MLXIP: variants seen among roughly 807,000 people sequenced by gnomAD.
The protein encoded by MLXIP is MLX-interacting protein.
MLXIP carries 30 observed loss-of-function variants against 87.2 expected under a neutral mutation model. The observed-to-expected ratio is 0.34, with a 90% CI of 0.26 to 0.47. MLXIP has a LOEUF of 0.47. Ranked by LOEUF, MLXIP falls within the 20% of genes least tolerant of loss-of-function variation. The pLI is 1.00. For synonymous variants in MLXIP, 530 were observed against 514.0 expected (o/e 1.03, Z -0.42); for missense variants, 1,002 against 1,240.1 (o/e 0.81, Z 2.88).
At chr12:122,117,842 G>C (rs1952716760) in intron 1 of MLXIP, among the ~76,000 whole-genome samples, 2 of 152,130 alleles carry the variant, frequency 1.3e-5, no homozygotes, top group South Asian at 4.1e-4. Flanking sequence ...GGCACAGTAA[G>C]AGATTAACAA....
At chr12:122,121,426 CCTGA>C (rs1285279168) in intron 1 of MLXIP, among the ~76,000 whole-genome samples, 2 of 150,958 alleles carry the variant, frequency 1.3e-5, no homozygotes, top group Non-Finnish European at 2.9e-5. Context: ...TGCCACCATG[CCTGA>C]CTAATTTTTG....
intron 1 of MLXIP, among the ~76,000 whole-genome samples, chr12:122,092,506 G>T (rs1409343499): frequency 6.6e-6 from 1 of 152,098 alleles, no homozygotes; most frequent in Non-Finnish European, 1.5e-5. Flanking sequence ...AGACTGCCTG[G>T]TACACCCCAG....
chr12:122,079,190 G>C lies in MLXIP; in HGVS notation c.337G>C (p.Gly113Arg). The C allele has an allele frequency of 6.4e-7, 1 of 1,550,978 alleles. No individual in the cohort carries two copies. Among genetic ancestry groups the C allele is most frequent in the Non-Finnish European group, 8.7e-7 (1 of 1,146,754 alleles). The change falls in exon 1 of 17, where the codon GGC (glycine) becomes CGC (arginine). Residue 113 changes from glycine (G) to arginine (R), a missense_variant. Physicochemically the swap from Gly to Arg is moderately radical, Grantham distance 125. This residue lies in a region of MLXIP where 127 missense variants were observed against 239.0 expected (regional missense o/e 0.53). Coordinates refer to ENST00000319080, the MANE Select transcript of MLXIP (RefSeq NM_014938.6). ...NKQTCQTYSFGKTSSCHLSID... is the reference protein window; with the variant it reads ...NKQTCQTYSFRKTSSCHLSID... Reference sequence around the variant, plus strand: ...ACAGACGTGCCAGACCTACAGCTTCGGCAAGACTAGCTCCTGCCACCTGTC... The same window carrying C: ...ACAGACGTGCCAGACCTACAGCTTCCGCAAGACTAGCTCCTGCCACCTGTC...
At chr12:122,116,234 G>C (rs542476432) in intron 1 of MLXIP, among the ~76,000 whole-genome samples, 1 of 152,190 alleles carries the variant, frequency 6.6e-6, no homozygotes, top group South Asian at 2.1e-4. Context: ...GGAGCTCTTT[G>C]TTCCATTTGT....
At chr12:122,094,053 T>G (rs1295515733) in intron 1 of MLXIP, among the ~76,000 whole-genome samples, 1 of 138,132 alleles carries the variant, frequency 7.2e-6, no homozygotes, top group Non-Finnish European at 1.5e-5. Context: ...GTGGTGTGTG[T>G]GGTGGGTTTG....
chr12:122,081,167 A>G (rs1212129002), intron 1 of MLXIP, among the ~76,000 whole-genome samples: 1 of 151,926 alleles, frequency 6.6e-6, no homozygotes, highest in East Asian at 1.9e-4. Context: ...ATGCACCATC[A>G]GTTTGGTGCA....
chr12:122,124,100 A>G (rs1020236691), intron 1 of MLXIP, among the ~76,000 whole-genome samples: 2 of 151,854 alleles, frequency 1.3e-5, no homozygotes, highest in African/African-American at 4.8e-5. Context: ...CAGAGGCATG[A>G]CGTGTGCTCC....
At position 122,121,010 on chromosome 12, in the gene MLXIP, G is replaced by GTTTTTTTTTTTTTTTT. The variant is rs1233404015; in HGVS notation, c.414-6243_414-6228dup. Among the ~76,000 whole-genome samples the GTTTTTTTTTTTTTTTT allele has an allele frequency of 2.9e-4, 33 of 111,898 alleles. 4 individuals carry two copies. Among genetic ancestry groups the GTTTTTTTTTTTTTTTT allele is most frequent in the Non-Finnish European group, 3.8e-4 (22 of 58,020 alleles). 73.4% of individuals were successfully genotyped at this position (111,898 alleles called of 152,430 possible). A position where few individuals can be genotyped will look rare whatever the true frequency, so the allele number is the denominator to read the frequency against. ...AGCCCCAGAGCCCTCTGCATGCTTGGTTTTTTTTTTTTTTTTTTGAAACGG... is the reference window on the plus strand; with the variant it reads ...AGCCCCAGAGCCCTCTGCATGCTTGGTTTTTTTTTTTTTTTTTTTTTTTTTTTTTTTTTTGAAACGG... On this transcript the variant is annotated intron_variant, in intron 1 of 16. Coordinates refer to ENST00000319080, the MANE Select transcript of MLXIP (RefSeq NM_014938.6).
chr12:122,091,335 T>C lies in MLXIP; in HGVS notation c.413+12069T>C, dbSNP rs534153414. 1.3e-3 allele frequency among the ~76,000 whole-genome samples: 194 copies of C among 152,272 alleles called. 1 individual carries two copies. The highest frequency in any genetic ancestry group is 4.6e-3 in the African/African-American group (190 of 41,548). On this transcript the variant is annotated intron_variant, in intron 1 of 16. Coordinates refer to ENST00000319080, the MANE Select transcript of MLXIP (RefSeq NM_014938.6). ...TGGAGCATTCCTTCTAGACTGAAGA[T>C]GACGTGGGAATTGGTTTCTTCAGCT...
chr12:122,119,711 TC>T (rs1306203526), intron 1 of MLXIP, among the ~76,000 whole-genome samples: 2 of 152,250 alleles, frequency 1.3e-5, no homozygotes, highest in African/African-American at 4.8e-5. Context: ...TTTGACTGGT[TC>T]CCTGTGATGA....
chr12:122,137,271 T>G lies in MLXIP; in HGVS notation c.2033-198T>G. On this transcript the variant is annotated intron_variant, in intron 11 of 16. Coordinates refer to ENST00000319080, the MANE Select transcript of MLXIP (RefSeq NM_014938.6). The surrounding 1 kb of genome is among the most constrained non-coding windows in gnomAD (Gnocchi z 4.1). ...GTGTTCTGTGTGGATTAAGGGTGTT[T>G]TTGTTGTTGTTATTAATTTAAGATT... 1 of 515,642 alleles carries G rather than the reference T, an allele frequency of 1.9e-6. No individual in the cohort carries two copies. The highest frequency in any genetic ancestry group is 3.3e-6 in the Non-Finnish European group (1 of 306,408). The allele number at this position is 515,642 out of a possible 1,614,324, so 31.9% of individuals were successfully genotyped here.
At position 122,138,947 on chromosome 12, in the gene MLXIP, G is replaced by C. The variant is rs747082634; in HGVS notation, c.2508+9G>C. The C allele has an allele frequency of 1.2e-6, 2 of 1,613,734 alleles. No individual in the cohort carries two copies. Among genetic ancestry groups the C allele is most frequent in the Admixed American group, 1.7e-5 (1 of 59,954 alleles). ...ATTGGAAGTTCTGGATTGTATCTTT[G>C]GGTTTTCTTTTTGCTCTTCCCGGCC... is the stretch of plus-strand genomic sequence containing the variant. On this transcript the variant is annotated intron_variant, in intron 15 of 16. Coordinates refer to ENST00000319080, the MANE Select transcript of MLXIP (RefSeq NM_014938.6).
At chr12:122,097,891 G>C (rs146075586) in intron 1 of MLXIP, among the ~76,000 whole-genome samples, 2,760 of 152,142 alleles carry the variant, frequency 0.018, 75 homozygotes, top group African/African-American at 0.063. Flanking sequence ...TGTCCATAGG[G>C]AAGCAAAGAA....
chr12:122,088,563 T>G (rs1952201167), intron 1 of MLXIP, among the ~76,000 whole-genome samples: 1 of 152,052 alleles, frequency 6.6e-6, no homozygotes, highest in East Asian at 1.9e-4. Context: ...CAGAAAAAGC[T>G]CCTACAAGAA....
chr12:122,095,971 T>C (rs1345700273), intron 1 of MLXIP, among the ~76,000 whole-genome samples: 1 of 152,126 alleles, frequency 6.6e-6, no homozygotes, highest in African/African-American at 2.4e-5. Context: ...TTCAAGTGAT[T>C]CTTCTCCCTC....
At chr12:122,115,365 A>G (rs1343661354) in intron 1 of MLXIP, among the ~76,000 whole-genome samples, 1 of 151,936 alleles carries the variant, frequency 6.6e-6, no homozygotes. Context: ...AGGCAGGTGG[A>G]TCACCTGAGG....
intron 1 of MLXIP, among the ~76,000 whole-genome samples, chr12:122,106,096 G>T (rs1207349414): frequency 6.6e-6 from 1 of 152,232 alleles, no homozygotes; most frequent in East Asian, 1.9e-4. Flanking sequence ...CTGCACTGTG[G>T]GTGGTGTTAT....
intron 15 of MLXIP, among the ~76,000 whole-genome samples, chr12:122,140,444 C>G (rs1420127233): frequency 6.6e-6 from 1 of 151,944 alleles, no homozygotes; most frequent in East Asian, 1.9e-4. Flanking sequence ...TTATAGGCAC[C>G]CACCACCACG....
chr12:122,133,714 A>G lies in MLXIP; in HGVS notation c.1459A>G (p.Thr487Ala), dbSNP rs1953027164. The change falls in exon 9 of 17, where the codon ACG (threonine) becomes GCG (alanine). Residue 487 changes from threonine (T) to alanine (A), a missense_variant. Thr to Ala is a moderately conservative substitution (Grantham distance 58). Transcript: ENST00000319080. The surrounding 1 kb of genome is among the most constrained non-coding windows in gnomAD (Gnocchi z 4.9). ...CAAAGCGCCGTCTGTCATCACCCACACGGCCTCTGCCACCCTCACCCACGA... is the reference window on the plus strand; with the variant it reads ...CAAAGCGCCGTCTGTCATCACCCACGCGGCCTCTGCCACCCTCACCCACGA... ...VNKAPSVITH[T>A]ASATLTHDAP... The G allele has an allele frequency of 6.2e-7, 1 of 1,613,160 alleles. No homozygotes were observed. Among genetic ancestry groups the G allele is most frequent in the Non-Finnish European group, 8.5e-7 (1 of 1,179,764 alleles).
Sources: allele counts gnomAD v4.1 joint callset (sites outside exome capture counted in the v4.1 genomes callset), GRCh38; gene constraint gnomAD v4.1.1; regional missense constraint gnomAD v4.1.1; non-coding constraint Gnocchi (gnomAD v3.1); transcripts MANE v1.5; gene names NCBI Gene and HGNC (gene_info 2026-07-23, HGNC 2026-07-21).